BANP: variants seen among roughly 807,000 people sequenced by gnomAD.
BANP encodes BTG3 associated nuclear protein.
Under a neutral mutation model 68.1 loss-of-function variants are expected in BANP, and 11 were observed. That is an observed-to-expected ratio of 0.16 (90% CI 0.10 to 0.27). The LOEUF is 0.27. BANP is among the 10% of genes least tolerant of loss of function. The pLI is 1.00. For synonymous variants in BANP, 329 were observed against 303.2 expected (o/e 1.09, Z -0.88); for missense variants, 504 against 722.7 (o/e 0.70, Z 3.47).
At chr16:87,971,903 C>T (rs2061199210) in intron 1 of BANP, among the ~76,000 whole-genome samples, 1 of 152,074 alleles carries the variant, frequency 6.6e-6, no homozygotes, top group Non-Finnish European at 1.5e-5. Flanking sequence ...AGTGATTTTC[C>T]CACCTCAGCC....
rs766085243 is a variant in BANP, at chr16:88,003,434, A to G, written c.363-861A>G. 5 of 456,126 alleles carry G rather than the reference A, an allele frequency of 1.1e-5. No individual in the cohort carries two copies. The highest frequency in any genetic ancestry group is 6.2e-5 in the South Asian group (4 of 64,516). The allele number at this position is 456,126 out of a possible 1,614,324, so 28.3% of individuals were successfully genotyped here. On this transcript the variant is annotated intron_variant, in intron 4 of 13. Coordinates refer to ENST00000682872, the MANE Select transcript of BANP (RefSeq NM_001386991.1). The surrounding 1 kb of genome is among the most constrained non-coding windows in gnomAD (Gnocchi z 6.1). ...AATCCAAGAATGGAGTTTTATTGTC[A>G]GGTGATAATCACGTTGTGTTTCTAG...
intron 12 of BANP, among the ~76,000 whole-genome samples, chr16:88,068,463 T>C (rs920972230): frequency 5.9e-5 from 9 of 152,192 alleles, no homozygotes; most frequent in African/African-American, 2.2e-4. Flanking sequence ...TCAGGCAGCT[T>C]GCTTTATTCA....
intron 1 of BANP, among the ~76,000 whole-genome samples, chr16:87,962,065 G>A (rs980702680): frequency 2.0e-5 from 3 of 151,714 alleles, no homozygotes; most frequent in South Asian, 2.1e-4. Flanking sequence ...ATGGTGAAAC[G>A]CTGTCTCTAC....
intron 11 of BANP, among the ~76,000 whole-genome samples, chr16:88,052,271 C>T (rs529249687): frequency 6.6e-6 from 1 of 152,340 alleles, no homozygotes; most frequent in African/African-American, 2.4e-5. Context: ...AATACACCTT[C>T]TAAAGCATTG....
At chr16:87,980,940 A>C (rs774803779) in intron 2 of BANP, 96 bp from the exon 3 acceptor site, 1 of 798,202 alleles carries the variant, frequency 1.3e-6, no homozygotes, top group African/African-American at 1.7e-5. Context: ...TTCTCCTTCA[A>C]CCTTAAGGTG....
At chr16:88,069,943 C>T (rs887512058) in intron 12 of BANP, among the ~76,000 whole-genome samples, 18 of 152,180 alleles carry the variant, frequency 1.2e-4, no homozygotes, top group Non-Finnish European at 2.6e-4. Context: ...CAAGGCCAGC[C>T]TCTCCTGTTC....
Position 87,981,138 on chromosome 16 carries a change from G to C in BANP, c.162+11G>C, listed in dbSNP as rs749761237. On this transcript the variant is annotated intron_variant, in intron 3 of 13. Coordinates refer to ENST00000682872, the MANE Select transcript of BANP (RefSeq NM_001386991.1). ...GATCCATCTATAAAGGTAAAAATCT[G>C]ACTCTGTTCTGTGGTGTGTAGTGCG... is the stretch of plus-strand genomic sequence containing the variant. The C allele has an allele frequency of 1.3e-5, 21 of 1,605,448 alleles. No individual in the cohort carries two copies. In the Admixed American group the frequency reaches 3.2e-4, roughly 24 times the overall value.
intron 3 of BANP, 40 bp downstream of exon 3, chr16:87,981,167 C>A: frequency 1.4e-6 from 2 of 1,431,112 alleles, no homozygotes; most frequent in African/African-American, 1.4e-5. Flanking sequence ...TAGTGCGTTG[C>A]AGATTTCAAG....
rs2071047871 is a variant in BANP at position 88,006,222 on chromosome 16, G to T, written c.612G>T (p.Gln204His). 1 of 1,612,546 alleles carries T rather than the reference G, an allele frequency of 6.2e-7. No homozygotes were observed. Among genetic ancestry groups the T allele is most frequent in the Non-Finnish European group, 8.5e-7 (1 of 1,179,320 alleles). ...CCAGCTGTGGGCAGGCGGGCAGTCA[G>T]AGCATCGGGAGCAACGTCACGCTCA... is the stretch of plus-strand genomic sequence containing the variant. ...SVSSCGQAGS[Q>H]SIGSNVTLIT... The change falls in exon 6 of 14, where the codon CAG becomes CAT. Residue 204 changes from glutamine to histidine, a missense_variant. Gln to His is a conservative substitution (Grantham distance 24, BLOSUM62 0). Around this residue, in one of 3 missense-constraint regions of BANP, gnomAD observed 238 missense variants for 278.9 expected, o/e 0.85. Transcript: ENST00000682872.
intron 11 of BANP, among the ~76,000 whole-genome samples, chr16:88,061,408 A>G (rs2086749662): frequency 6.6e-6 from 1 of 152,124 alleles, no homozygotes; most frequent in African/African-American, 2.4e-5. Context: ...TCTCCAGGAG[A>G]AGCAGGTTTC....
intron 7 of BANP, among the ~76,000 whole-genome samples, chr16:88,023,145 C>T (rs565542511): frequency 9.1e-4 from 138 of 152,248 alleles, no homozygotes; most frequent in Non-Finnish European, 1.8e-3. Flanking sequence ...GGACATTGAG[C>T]GCCTCACGGT....
chr16:87,956,130 T>C (rs1040997412), intron 1 of BANP, among the ~76,000 whole-genome samples: 19 of 152,330 alleles, frequency 1.2e-4, no homozygotes, highest in African/African-American at 4.1e-4. Flanking sequence ...TCGTCTGCAG[T>C]GATACTGTAC....
At chr16:88,016,768 G>A (rs2074671973) in intron 6 of BANP, among the ~76,000 whole-genome samples, 1 of 152,154 alleles carries the variant, frequency 6.6e-6, no homozygotes, top group Non-Finnish European at 1.5e-5. Context: ...GCCGACCGAC[G>A]GATGTTCTGA....
At chr16:88,012,890 A>G (rs2073541217) in intron 6 of BANP, among the ~76,000 whole-genome samples, 1 of 151,872 alleles carries the variant, frequency 6.6e-6, no homozygotes, top group East Asian at 1.9e-4. Context: ...GTGGTCTGAC[A>G]GTACAAATTC....
chr16:87,961,407 G>GGCCCCCCCCCCCCCCCCCCCCCCC (rs2059103943), intron 1 of BANP, among the ~76,000 whole-genome samples: 1 of 117,570 alleles, frequency 8.5e-6, no homozygotes, highest in Non-Finnish European at 2.0e-5. Flanking sequence ...CACAGAATCT[G>GGCCCCCCCCCCCCCCCCCCCCCCC]CACCCCCCCG....
At chr16:88,051,505 G>C (rs1408344017) in intron 11 of BANP, among the ~76,000 whole-genome samples, 1 of 152,166 alleles carries the variant, frequency 6.6e-6, no homozygotes, top group East Asian at 1.9e-4. Flanking sequence ...CACATGGGAA[G>C]TGCGGCCATT....
chr16:88,076,634 C>T lies in BANP; in HGVS notation c.1566C>T (p.Leu522=), dbSNP rs763580957. 1.7e-5 allele frequency: 27 copies of T among 1,610,736 alleles called. No individual in the cohort carries two copies. The highest frequency in any genetic ancestry group is 1.6e-4 in the Middle Eastern group (1 of 6,064). ...LQPTLQPEMQ[L]EHGAIQIQ is the part of the protein sequence containing the mutation. ...CCACGCTACAGCCGGAGATGCAGCTCGAGCACGGGGCCATCCAGATTCAGT... is the reference window on the plus strand; with the variant it reads ...CCACGCTACAGCCGGAGATGCAGCTTGAGCACGGGGCCATCCAGATTCAGT... The change falls in exon 14 of 14, where the codon CTC becomes CTT. Residue 522 remains leucine, a synonymous_variant. Transcript: ENST00000682872.
rs1206605261 is a variant in BANP at position 88,071,383 on chromosome 16, CT to C, written c.1378-684del. On this transcript the variant is annotated intron_variant, in intron 12 of 13. Transcript: ENST00000682872. This position sits in a 1 kb window ranked among gnomAD's most constrained non-coding sequence, Gnocchi z 6.5. ...ATTGAGTGGGAAGTGGGCCTGGGTG[CT>C]TACAGGCGATGGGGTCACCAGAGCC... 2.4e-6 allele frequency: 1 copy of C among 423,786 alleles called. No homozygotes were observed. Among genetic ancestry groups the C allele is most frequent in the Non-Finnish European group, 4.8e-6 (1 of 209,946 alleles). 26.3% of individuals were successfully genotyped at this position (423,786 alleles called of 1,614,324 possible).
At chr16:87,965,238 T>G (rs2059818374) in intron 1 of BANP, among the ~76,000 whole-genome samples, 1 of 151,524 alleles carries the variant, frequency 6.6e-6, no homozygotes, top group African/African-American at 2.4e-5. Flanking sequence ...GTGGGGAGAA[T>G]GGGGGCAGCA....
Sources: allele counts gnomAD v4.1 joint callset (sites outside exome capture counted in the v4.1 genomes callset), GRCh38; gene constraint gnomAD v4.1.1; regional missense constraint gnomAD v4.1.1; non-coding constraint Gnocchi (gnomAD v3.1); transcripts MANE v1.5; gene names NCBI Gene and HGNC (gene_info 2026-07-23, HGNC 2026-07-21).